Variants in RNF220 observed in about 807,000 individuals in gnomAD.
The protein encoded by RNF220 is ring finger protein 220, also known as E3 ubiquitin-protein ligase RNF220.
In RNF220, 7 loss-of-function variants were observed where a neutral mutation model predicts 67.1. That is an observed-to-expected ratio of 0.10 (90% CI 0.06 to 0.20). RNF220 has a LOEUF of 0.20. Ranked by LOEUF, RNF220 falls within the 10% of genes least tolerant of loss-of-function variation. The pLI is 1.00. For missense variants in RNF220, 565 were observed against 740.3 expected (o/e 0.76, Z 2.75); for synonymous variants, 270 against 283.2 (o/e 0.95, Z 0.47).
chr1:44,413,982 T>G (rs1349625926), intron 2 of RNF220, among the ~76,000 whole-genome samples: 1 of 152,250 alleles, frequency 6.6e-6, no homozygotes, highest in Non-Finnish European at 1.5e-5. Context: ...CAACCTGCCT[T>G]GTAAATCCAT....
At chr1:44,504,401 C>G (rs1658225965) in intron 2 of RNF220, among the ~76,000 whole-genome samples, 1 of 152,180 alleles carries the variant, frequency 6.6e-6, no homozygotes, top group Admixed American at 6.5e-5. Context: ...ACCCCGTTAT[C>G]TGGGATGTCT....
intron 2 of RNF220, among the ~76,000 whole-genome samples, chr1:44,421,233 A>G (rs140032745): frequency 2.6e-5 from 4 of 152,352 alleles, no homozygotes; most frequent in African/African-American, 9.6e-5. Flanking sequence ...GGGTTAAAAA[A>G]GCCAAATCTC....
chr1:44,417,690 CG>C lies in RNF220; in HGVS notation c.625+4969del, dbSNP rs1648703765. On this transcript the variant is annotated intron_variant, in intron 2 of 14. Coordinates refer to ENST00000361799, the MANE Select transcript of RNF220 (RefSeq NM_018150.4). This position sits in a 1 kb window ranked among gnomAD's most constrained non-coding sequence, Gnocchi z 4.0. ...GAAGTGATCCGGGCTGCCGTTTTCT[CG>C]CGGCCGCCCGCCAGCCCCTCGCCGC... is the stretch of plus-strand genomic sequence containing the variant. Among the ~76,000 whole-genome samples, 3 of 152,124 alleles carry C rather than the reference CG, an allele frequency of 2.0e-5. No individual in the cohort carries two copies. Among genetic ancestry groups the C allele is most frequent in the Admixed American group, 2.0e-4 (3 of 15,280 alleles).
At chr1:44,525,349 C>A (rs144126483) in intron 2 of RNF220, among the ~76,000 whole-genome samples, 2 of 152,210 alleles carry the variant, frequency 1.3e-5, no homozygotes, top group African/African-American at 4.8e-5. Flanking sequence ...GAAGAGGCAG[C>A]GTCCTGCACG....
At chr1:44,599,448 G>A (rs995008666) in intron 2 of RNF220, among the ~76,000 whole-genome samples, 1 of 152,128 alleles carries the variant, frequency 6.6e-6, no homozygotes, top group Non-Finnish European at 1.5e-5. Flanking sequence ...CGAGGTGGAC[G>A]GACTGCTTGA....
At chr1:44,407,325 G>A (rs1452980675) in intron 1 of RNF220, among the ~76,000 whole-genome samples, 1 of 152,210 alleles carries the variant, frequency 6.6e-6, no homozygotes, top group African/African-American at 2.4e-5. Context: ...AGGAAGCAGC[G>A]AGGGGACTGG....
At chr1:44,555,270 G>A (rs2148270831) in intron 2 of RNF220, among the ~76,000 whole-genome samples, 1 of 152,160 alleles carries the variant, frequency 6.6e-6, no homozygotes, top group African/African-American at 2.4e-5. Context: ...ATCTCACTTT[G>A]TTGTTCAGGA....
intron 8 of RNF220, 40 bp from the exon 9 acceptor site, chr1:44,644,658 G>A (rs368455337): frequency 2.7e-5 from 42 of 1,563,526 alleles, no homozygotes; most frequent in African/African-American, 4.1e-5. Flanking sequence ...CCTTGGCCTC[G>A]TCTTGTCCCC....
At chr1:44,442,386 A>C (rs1394566084) in intron 2 of RNF220, among the ~76,000 whole-genome samples, 1 of 150,708 alleles carries the variant, frequency 6.6e-6, no homozygotes, top group African/African-American at 2.4e-5. Context: ...CAAGCAATCC[A>C]CTCTCCTCAG....
At chr1:44,524,910 TG>T (rs1287246381) in intron 2 of RNF220, among the ~76,000 whole-genome samples, 4 of 152,130 alleles carry the variant, frequency 2.6e-5, no homozygotes, top group Non-Finnish European at 5.9e-5. Context: ...GTTGAGCTTT[TG>T]AAATGCAGAG....
chr1:44,534,249 G>A lies in RNF220; in HGVS notation c.626-79916G>A, dbSNP rs551717609. Among the ~76,000 whole-genome samples the A allele has an allele frequency of 4.0e-5, 6 of 151,894 alleles. No homozygotes were observed. The East Asian group carries it at 9.7e-4, about 24-fold the overall frequency. Reference sequence around the variant, plus strand: ...CCCGCCTCAGCCTCCCAAAGTGTTGGGATTACAGGTGTGAGCCATTGCACC... The same window carrying A: ...CCCGCCTCAGCCTCCCAAAGTGTTGAGATTACAGGTGTGAGCCATTGCACC... On this transcript the variant is annotated intron_variant, in intron 2 of 14. Transcript: ENST00000361799.
At chr1:44,419,215 T>C (rs376892999) in intron 2 of RNF220, 176 of 152,342 alleles carry the variant, frequency 1.2e-3, no homozygotes, top group African/African-American at 4.1e-3. Flanking sequence ...AATTGTGGCA[T>C]GTATGGTTGA....
intron 2 of RNF220, among the ~76,000 whole-genome samples, chr1:44,433,281 G>T (rs938059385): frequency 2.0e-5 from 3 of 152,128 alleles, no homozygotes; most frequent in African/African-American, 7.2e-5. Flanking sequence ...TCATCTATAA[G>T]GGAGAATTTG....
At chr1:44,545,944 C>T (rs954443984) in intron 2 of RNF220, among the ~76,000 whole-genome samples, 27 of 152,060 alleles carry the variant, frequency 1.8e-4, no homozygotes, top group African/African-American at 5.3e-4. Flanking sequence ...ATAGTAGAGA[C>T]GAGGAGAAAC....
In RNF220 at chr1:44,425,373, G is replaced by C. The variant is rs527886781; in HGVS notation, c.625+12651G>C. Among the ~76,000 whole-genome samples, 4 of 151,638 alleles carry C rather than the reference G, an allele frequency of 2.6e-5. No individual in the cohort carries two copies. In the South Asian group the frequency reaches 6.3e-4, roughly 24 times the overall value. ...GACTCCATCTAGCGTGTCCCCTCAC[G>C]TAGTGCCTAGCTTGGTAAATACTTG... On this transcript the variant is annotated intron_variant, in intron 2 of 14. Transcript: ENST00000361799.
chr1:44,472,505 C>A (rs1366507018), intron 2 of RNF220, among the ~76,000 whole-genome samples: 1 of 152,146 alleles, frequency 6.6e-6, no homozygotes, highest in African/African-American at 2.4e-5. Flanking sequence ...TACTGAGCAT[C>A]TTTTCATTTT....
At chr1:44,465,135 T>A (rs1654155036) in intron 2 of RNF220, among the ~76,000 whole-genome samples, 1 of 152,128 alleles carries the variant, frequency 6.6e-6, no homozygotes, top group Non-Finnish European at 1.5e-5. Flanking sequence ...CTGCGTGACC[T>A]GAAAACCCAT....
At chr1:44,486,097 A>C (rs1033465933) in intron 2 of RNF220, among the ~76,000 whole-genome samples, 33 of 151,860 alleles carry the variant, frequency 2.2e-4, no homozygotes, top group African/African-American at 7.5e-4. Flanking sequence ...TTATTCAGCA[A>C]CTCTCTGAAT....
chr1:44,523,756 T>A (rs752182664), intron 2 of RNF220, among the ~76,000 whole-genome samples: 1 of 152,040 alleles, frequency 6.6e-6, no homozygotes, highest in Non-Finnish European at 1.5e-5. Flanking sequence ...GCCTCTGCTA[T>A]CCCCCAGGGC....
Sources: gnomAD v4.1 joint callset for allele counts (sites outside exome capture counted in the v4.1 genomes callset) on GRCh38, gnomAD v4.1.1 for gene constraint, Gnocchi (gnomAD v3.1) non-coding constraint, MANE v1.5 for transcripts, NCBI Gene and HGNC (gene_info 2026-07-23, HGNC 2026-07-21) for gene names.